Variants in SH3D19 observed in about 807,000 individuals in gnomAD.
SH3D19 encodes SH3 domain-containing protein 19.
In SH3D19, 58 loss-of-function variants were observed where a neutral mutation model predicts 112.1. The observed-to-expected ratio is 0.52, with a 90% CI of 0.42 to 0.64. The LOEUF is 0.64. Ranked by LOEUF, SH3D19 falls within the 30% of genes least tolerant of loss-of-function variation. The pLI, the probability that SH3D19 is intolerant of heterozygous loss-of-function variation, is 0.00. For missense variants in SH3D19, 1,090 were observed against 1,263.4 expected, an observed-to-expected ratio of 0.86 and a Z score of 2.08; for synonymous variants, 391 against 448.5, an observed-to-expected ratio of 0.87 and a Z score of 1.62.
intron 2 of SH3D19, among the ~76,000 whole-genome samples, chr4:151,201,453 G>A (rs556364796): frequency 7.2e-5 from 11 of 152,150 alleles, no homozygotes; most frequent in South Asian, 2.1e-4. Context: ...TGTTTTCTAC[G>A]TTCCAGAAAT....
In SH3D19 at chr4:151,133,254, T is replaced by C; in HGVS notation, c.2487-18A>G. 2 of 1,610,570 alleles carry C rather than the reference T, an allele frequency of 1.2e-6. No homozygotes were observed. Among genetic ancestry groups the C allele is most frequent in the Non-Finnish European group, 1.7e-6 (2 of 1,176,932 alleles). Reference sequence around the variant, plus strand: ...TTGAGCCTCTGAATGAAGAACACATTTTGTGGATTAGACTAGAGAGTGCTT... The same window carrying C: ...TTGAGCCTCTGAATGAAGAACACATCTTGTGGATTAGACTAGAGAGTGCTT... On this transcript the variant is annotated intron_variant, in intron 15 of 19. Coordinates refer to ENST00000604030, the MANE Select transcript of SH3D19 (RefSeq NM_001378122.1).
intron 1 of SH3D19, among the ~76,000 whole-genome samples, chr4:151,321,591 C>T (rs1352567120): frequency 2.6e-5 from 4 of 152,112 alleles, no homozygotes; most frequent in African/African-American, 9.7e-5. Flanking sequence ...ATGTTTATCT[C>T]ATGGGTTTTC....
At chr4:151,179,465 A>G in intron 3 of SH3D19, 68 bp from the exon 4 acceptor site, 1 of 886,650 alleles carries the variant, frequency 1.1e-6, no homozygotes, top group East Asian at 3.3e-5. Context: ...AAATTTTTAC[A>G]AAGTACACAA....
chr4:151,221,267 T>A (rs1035746066), intron 2 of SH3D19, among the ~76,000 whole-genome samples: 1 of 152,206 alleles, frequency 6.6e-6, no homozygotes, highest in Non-Finnish European at 1.5e-5. Flanking sequence ...TTGGAGCCCA[T>A]CATTCTTGTT....
chr4:151,318,820 A>T (rs1376464020), intron 1 of SH3D19, among the ~76,000 whole-genome samples: 1 of 152,234 alleles, frequency 6.6e-6, no homozygotes, highest in African/African-American at 2.4e-5. Context: ...GTGGTCAGCC[A>T]AAAAATGAAC....
chr4:151,250,678 C>A (rs554088307), intron 1 of SH3D19, among the ~76,000 whole-genome samples: 1 of 152,162 alleles, frequency 6.6e-6, no homozygotes, highest in African/African-American at 2.4e-5. Context: ...TTATGCCCAG[C>A]AGGCACCAGA....
chr4:151,160,921 A>T (rs1413313949), intron 8 of SH3D19, among the ~76,000 whole-genome samples: 1 of 152,174 alleles, frequency 6.6e-6, no homozygotes, highest in African/African-American at 2.4e-5. Context: ...CATCCAACTC[A>T]GTCACCATCT....
intron 1 of SH3D19, chr4:151,279,771 A>C (rs1561425503): frequency 6.2e-7 from 1 of 1,611,270 alleles, no homozygotes; most frequent in East Asian, 2.2e-5. Flanking sequence ...AGGTTTCCAC[A>C]TTTCCCTTTC....
At chr4:151,124,961 T>C (rs546996806) in intron 19 of SH3D19, among the ~76,000 whole-genome samples, 3 of 152,338 alleles carry the variant, frequency 2.0e-5, no homozygotes, top group South Asian at 2.1e-4. Flanking sequence ...TCCAAGAAGT[T>C]TGAATTCAGA....
chr4:151,295,271 A>C (rs1425398177), intron 1 of SH3D19, among the ~76,000 whole-genome samples: 2 of 152,236 alleles, frequency 1.3e-5, no homozygotes, highest in Non-Finnish European at 2.9e-5. Context: ...GGAGGGGGCC[A>C]GGATGGCAAA....
At chr4:151,273,942 GC>G (rs1187149394) in intron 1 of SH3D19, among the ~76,000 whole-genome samples, 5 of 152,138 alleles carry the variant, frequency 3.3e-5, no homozygotes, top group Non-Finnish European at 7.3e-5. Flanking sequence ...GGAGAAAACT[GC>G]CGGTTGTAAT....
intron 14 of SH3D19, among the ~76,000 whole-genome samples, chr4:151,137,047 A>G (rs1000232624): frequency 6.6e-6 from 1 of 152,194 alleles, no homozygotes; most frequent in Non-Finnish European, 1.5e-5. Flanking sequence ...ATTCCAATTG[A>G]TACAAATGTG....
In SH3D19 at chr4:151,282,338, C is replaced by T. The variant is rs916874734; in HGVS notation, c.112+42903G>A. ...TTCTGCCATCCTGCCTATTTGCTTG[C>T]CCAGTGTCACAAAGCAGTTGGCAAT... On this transcript the variant is annotated intron_variant, in intron 1 of 19. Coordinates refer to ENST00000604030, the MANE Select transcript of SH3D19 (RefSeq NM_001378122.1). 5.0e-6 allele frequency: 8 copies of T among 1,613,802 alleles called. No homozygotes were observed. The Admixed American group carries it at 1.0e-4, about 20-fold the overall frequency.
intron 2 of SH3D19, among the ~76,000 whole-genome samples, chr4:151,194,623 C>A (rs1035379929): frequency 2.0e-5 from 3 of 151,622 alleles, no homozygotes; most frequent in African/African-American, 7.3e-5. Context: ...ACCATGTTGG[C>A]CAGGCTGGTC....
chr4:151,292,022 A>C (rs1775376485), intron 1 of SH3D19, among the ~76,000 whole-genome samples: 1 of 152,222 alleles, frequency 6.6e-6, no homozygotes, highest in Non-Finnish European at 1.5e-5. Context: ...AGAGATGCAA[A>C]CATGGGTCAG....
At chr4:151,302,687 C>A (rs1728553426) in intron 1 of SH3D19, among the ~76,000 whole-genome samples, 1 of 152,206 alleles carries the variant, frequency 6.6e-6, no homozygotes, top group South Asian at 2.1e-4. Flanking sequence ...GGGTCTAAAT[C>A]TTTCATACTG....
chr4:151,167,721 C>T (rs951850012), intron 7 of SH3D19, among the ~76,000 whole-genome samples: 1 of 151,146 alleles, frequency 6.6e-6, no homozygotes, highest in African/African-American at 2.4e-5. Context: ...AGCGCCTCTG[C>T]CCGGCCGCCC....
In SH3D19 at chr4:151,214,273, C is replaced by G. The variant is rs928978010; in HGVS notation, c.152+11774G>C. Among the ~76,000 whole-genome samples the G allele has an allele frequency of 1.7e-4, 26 of 151,752 alleles. 1 individual carries two copies. The highest frequency in any genetic ancestry group is 6.9e-3 in the Middle Eastern group (2 of 290). ...AAAGTCTCCCATGTCTACTTCTTTCCACACAGACACGGCAACCATCCGATT... is the reference window on the plus strand; with the variant it reads ...AAAGTCTCCCATGTCTACTTCTTTCGACACAGACACGGCAACCATCCGATT... On this transcript the variant is annotated intron_variant, in intron 2 of 19. Transcript: ENST00000604030.
intron 1 of SH3D19, among the ~76,000 whole-genome samples, chr4:151,308,521 T>A (rs1729138219): frequency 6.6e-6 from 1 of 152,184 alleles, no homozygotes; most frequent in African/African-American, 2.4e-5. Flanking sequence ...GGACCTGGGA[T>A]GGGTTTGAAA....
Sources: gnomAD v4.1 joint callset for allele counts (sites outside exome capture counted in the v4.1 genomes callset) on GRCh38, gnomAD v4.1.1 for gene constraint, MANE v1.5 for transcripts, NCBI Gene and HGNC (gene_info 2026-07-23, HGNC 2026-07-21) for gene names.